The following ABCG2 variants were observed in gnomAD, a reference collection of about 807,000 sequenced individuals.
The protein encoded by ABCG2 is broad substrate specificity ATP-binding cassette transporter ABCG2.
In ABCG2, 80 loss-of-function variants were observed where a neutral mutation model predicts 73.5. The ratio of observed to expected loss-of-function variants is 1.09; its 90% CI spans 0.91 to 1.31. The LOEUF (loss-of-function observed/expected upper bound fraction) is 1.31, where lower values mean the gene tolerates loss of function less well. Ranked by LOEUF, ABCG2 falls within the 50% of genes most tolerant of loss-of-function variation. The pLI, the probability that ABCG2 is intolerant of heterozygous loss-of-function variation, is 0.00. For synonymous variants in ABCG2, 269 were observed against 282.4 expected (o/e 0.95, Z 0.48); for missense variants, 796 against 786.2 (o/e 1.01, Z -0.15).
intron 1 of ABCG2, among the ~76,000 whole-genome samples, chr4:88,225,999 A>T (rs529912572): frequency 8.5e-5 from 13 of 152,248 alleles, no homozygotes; most frequent in African/African-American, 3.1e-4. Flanking sequence ...CCATGATTCA[A>T]TTATCTCCCA....
chr4:88,230,906 T>A (rs546638293), intron 1 of ABCG2: 1 of 152,260 alleles, frequency 6.6e-6, no homozygotes, highest in Non-Finnish European at 1.5e-5. Context: ...CCAATTTAAG[T>A]GACACATTTG....
At chr4:88,160,866 A>C (rs1049198919), upstream of ABCG2, among the ~76,000 whole-genome samples, 2 of 151,152 alleles carry the variant, frequency 1.3e-5, no homozygotes, top group Admixed American at 6.6e-5. Flanking sequence ...AAAAAAAAAA[A>C]AAAAAACCTA....
upstream of ABCG2, among the ~76,000 whole-genome samples, chr4:88,231,570 T>C (rs1730466185): frequency 6.6e-6 from 1 of 152,186 alleles, no homozygotes; most frequent in Non-Finnish European, 1.5e-5. Context: ...AAACCAATTC[T>C]AGCAAATGGC....
intron 1 of ABCG2, among the ~76,000 whole-genome samples, chr4:88,198,956 G>A (rs1729042351): frequency 6.6e-6 from 1 of 151,980 alleles, no homozygotes; most frequent in Non-Finnish European, 1.5e-5. Flanking sequence ...ATATATATGT[G>A]TGTGTGTATA....
At chr4:88,185,053 G>T (rs561195699) in intron 1 of ABCG2, among the ~76,000 whole-genome samples, 86 of 152,094 alleles carry the variant, frequency 5.7e-4, no homozygotes, top group Non-Finnish European at 1.1e-3. Flanking sequence ...AATCAAAATG[G>T]ATTAAAAACT....
chr4:88,174,755 G>C (rs1282073949), intron 1 of ABCG2, among the ~76,000 whole-genome samples: 1 of 152,170 alleles, frequency 6.6e-6, no homozygotes, highest in Non-Finnish European at 1.5e-5. Context: ...TGTCAATTTT[G>C]GCTTTTGTTG....
chr4:88,200,456 A>G (rs1353312040), intron 1 of ABCG2, among the ~76,000 whole-genome samples: 1 of 152,142 alleles, frequency 6.6e-6, no homozygotes, highest in Non-Finnish European at 1.5e-5. Context: ...GGCATTGGCC[A>G]CCATGTGTAG....
chr4:88,129,602 T>C (rs1724696212), intron 5 of ABCG2, among the ~76,000 whole-genome samples: 1 of 152,160 alleles, frequency 6.6e-6, no homozygotes, highest in Non-Finnish European at 1.5e-5. Flanking sequence ...AAGTAGTGAA[T>C]GGTGGCATCT....
chr4:88,132,444 C>T, intron 3 of ABCG2, 132 bp downstream of exon 3: 1 of 903,898 alleles, frequency 1.1e-6, no homozygotes, highest in Non-Finnish European at 1.7e-6. Context: ...CAGTTATCCA[C>T]AGCACCTAGA....
chr4:88,219,651 C>T (rs975400375), intron 1 of ABCG2, among the ~76,000 whole-genome samples: 1 of 138,134 alleles, frequency 7.2e-6, no homozygotes. Flanking sequence ...GCGCGATCTC[C>T]GCTCACTGCA....
At chr4:88,157,174 C>T (rs1047616274) in intron 1 of ABCG2, among the ~76,000 whole-genome samples, 4 of 152,120 alleles carry the variant, frequency 2.6e-5, no homozygotes, top group Admixed American at 2.6e-4. Context: ...GACATTTTTC[C>T]CCAAAATGCA....
At chr4:88,206,490 G>C (rs974448152) in intron 1 of ABCG2, 1 of 152,010 alleles carries the variant, frequency 6.6e-6, no homozygotes, top group Non-Finnish European at 1.5e-5. Flanking sequence ...TTGTTGTCAG[G>C]CCCGAGGGCC....
chr4:88,220,278 A>G (rs1488897658), intron 1 of ABCG2, among the ~76,000 whole-genome samples: 3 of 152,178 alleles, frequency 2.0e-5, no homozygotes, highest in Non-Finnish European at 4.4e-5. Flanking sequence ...GCTGCTGTGT[A>G]TAAACATCTG....
At chr4:88,119,444 G>C (rs182222616) in intron 6 of ABCG2, among the ~76,000 whole-genome samples, 1 of 152,346 alleles carries the variant, frequency 6.6e-6, no homozygotes, top group East Asian at 1.9e-4. Context: ...ACAGTTTGGA[G>C]GGCTAAGAAG....
At chr4:88,216,338 AT>A (rs1372058705) in intron 1 of ABCG2, among the ~76,000 whole-genome samples, 1 of 152,196 alleles carries the variant, frequency 6.6e-6, no homozygotes, top group African/African-American at 2.4e-5. Context: ...GGGTGGGAAT[AT>A]TTTTGTGCCG....
intron 1 of ABCG2, among the ~76,000 whole-genome samples, chr4:88,194,572 A>AAAAAAC: frequency 6.6e-6 from 1 of 150,418 alleles, no homozygotes; most frequent in African/African-American, 2.4e-5. Flanking sequence ...AAAAAAAAAA[A>AAAAAAC]AAAAAAAAAA....
chr4:88,191,228 C>T (rs1433156015), intron 1 of ABCG2, among the ~76,000 whole-genome samples: 5 of 139,506 alleles, frequency 3.6e-5, no homozygotes, highest in Admixed American at 7.1e-5. Flanking sequence ...TCCAAGATCG[C>T]GCCAGTGCAC....
intron 1 of ABCG2, among the ~76,000 whole-genome samples, chr4:88,146,596 G>A (rs1726022423): frequency 6.6e-6 from 1 of 152,100 alleles, no homozygotes; most frequent in South Asian, 2.1e-4. Context: ...GTTTCACCAT[G>A]TTGGCCAGGC....
At chr4:88,094,994 G>T (rs1044067809) in intron 14 of ABCG2, among the ~76,000 whole-genome samples, 12 of 152,170 alleles carry the variant, frequency 7.9e-5, no homozygotes, top group African/African-American at 2.7e-4. Context: ...TGCTCAATGA[G>T]TATTGTTAAT....
Sources: gnomAD v4.1 joint callset for allele counts (sites outside exome capture counted in the v4.1 genomes callset) on GRCh38, gnomAD v4.1.1 for gene constraint, MANE v1.5 for transcripts, NCBI Gene and HGNC (gene_info 2026-07-23, HGNC 2026-07-21) for gene names.